The following DAB2IP variants were observed in gnomAD, a reference collection of about 807,000 sequenced individuals.
DAB2IP encodes the protein DAB2 interacting protein, also known as disabled homolog 2-interacting protein.
DAB2IP carries 28 observed loss-of-function variants against 107.2 expected under a neutral mutation model. The observed-to-expected ratio is 0.26, with a 90% confidence interval of 0.19 to 0.36. The LOEUF (loss-of-function observed/expected upper bound fraction) is 0.36, where lower values mean the gene tolerates loss of function less well. Ranked by LOEUF, DAB2IP falls within the 10% of genes least tolerant of loss-of-function variation. The probability of loss-of-function intolerance (pLI) is 1.00; values close to 1 mark genes in which losing one functional copy is unlikely to be tolerated. For missense variants in DAB2IP, 1,400 were observed against 1,644.7 expected, an observed-to-expected ratio of 0.85 and a Z score of 2.57; for synonymous variants, 755 against 706.4, an observed-to-expected ratio of 1.07 and a Z score of -1.09.
chr9:121,642,275 C>T (rs1216892208), intron 1 of DAB2IP, among the ~76,000 whole-genome samples: 1 of 151,102 alleles, frequency 6.6e-6, no homozygotes, highest in African/African-American at 2.4e-5. Context: ...GAGTCTCACT[C>T]TGTCGCCCAG....
At chr9:121,693,893 G>A (rs1829286662) in intron 2 of DAB2IP, among the ~76,000 whole-genome samples, 1 of 152,250 alleles carries the variant, frequency 6.6e-6, no homozygotes, top group Non-Finnish European at 1.5e-5. Context: ...GTGCCTTTGA[G>A]ACCATTGGTG....
chr9:121,759,784 A>C lies in DAB2IP; in HGVS notation c.616-101A>C, dbSNP rs544557096. 71 of 1,117,124 alleles carry C rather than the reference A, an allele frequency of 6.4e-5. No homozygotes were observed. In the African/African-American group the frequency reaches 8.7e-4, roughly 14 times the overall value. The allele number at this position is 1,117,124 out of a possible 1,614,324, so 69.2% of individuals were successfully genotyped here. On this transcript the variant is annotated intron_variant, in intron 5 of 15. Transcript: ENST00000408936. ...GGCGCCCGCTGCCGCCTCCACCTTC[A>C]GAGCTCCTCCTGGGTCTGAGGACTC...
At chr9:121,724,411 T>G (rs1831109878) in intron 3 of DAB2IP, among the ~76,000 whole-genome samples, 1 of 152,180 alleles carries the variant, frequency 6.6e-6, no homozygotes. Context: ...TTCATTCAAG[T>G]GTGAATCCAA....
rs149146628 is a variant in DAB2IP at position 121,708,761 on chromosome 9, CACAGG to C, written c.362+9311_362+9315del. On this transcript the variant is annotated intron_variant, in intron 3 of 15. Transcript: ENST00000408936. ...ATTCAAGGTCCGCCAAGTCAAATTC[CACAGG>C]ACAGGACTAGTCAGCATTTTAGGAG... is the stretch of plus-strand genomic sequence containing the variant. 1.9e-3 allele frequency among the ~76,000 whole-genome samples: 296 copies of C among 152,354 alleles called. 1 individual carries two copies. The highest frequency in any genetic ancestry group is 7.0e-3 in the African/African-American group (290 of 41,590).
chr9:121,653,456 T>C (rs2119065681), intron 1 of DAB2IP, among the ~76,000 whole-genome samples: 1 of 152,250 alleles, frequency 6.6e-6, no homozygotes. Flanking sequence ...GGCTCAAGCT[T>C]TGTGACTTTG....
In DAB2IP at chr9:121,580,655, C is replaced by T. The variant is rs189412383; in HGVS notation, c.40+13427C>T. Among the ~76,000 whole-genome samples the T allele has an allele frequency of 3.2e-3, 489 of 151,744 alleles. 5 individuals are homozygous for T. Among genetic ancestry groups the T allele is most frequent in the African/African-American group, 0.011 (470 of 41,360 alleles). The stretch of plus-strand genomic sequence containing the variant: ...TTTTTTTTTTTCTGAGATGGAGTCT[C>T]GCTCTGTTGCCCAGGCTGGAGTCCA... On this transcript the variant is annotated intron_variant, in intron 1 of 16. Coordinates refer to the DAB2IP transcript ENST00000259371.
Position 121,773,499 on chromosome 9 carries a change from A to C in DAB2IP, c.2967+4A>C. ...GCCACGGGCAGTGCACAAGCAGGTC[A>C]GTGCTGCTAGTCAGAGGGCAGGGCT... is the stretch of plus-strand genomic sequence containing the variant. On this transcript the variant is annotated splice_donor_region_variant and intron_variant, in intron 12 of 15. Coordinates refer to ENST00000408936, the Ensembl canonical transcript of DAB2IP. The C allele has an allele frequency of 6.7e-7, 1 of 1,495,218 alleles. No individual in the cohort carries two copies. Among genetic ancestry groups the C allele is most frequent in the Non-Finnish European group, 8.9e-7 (1 of 1,122,960 alleles). The allele number at this position is 1,495,218 out of a possible 1,614,324, so 92.6% of individuals were successfully genotyped here. A position where few individuals can be genotyped will look rare whatever the true frequency, so the allele number is the denominator to read the frequency against.
chr9:121,705,533 G>A (rs1360871521), intron 3 of DAB2IP, among the ~76,000 whole-genome samples: 1 of 152,226 alleles, frequency 6.6e-6, no homozygotes, highest in Non-Finnish European at 1.5e-5. Flanking sequence ...TCTGCCAGTT[G>A]TTTGTACATG....
chr9:121,718,291 G>A (rs1830717541), intron 3 of DAB2IP, among the ~76,000 whole-genome samples: 1 of 152,222 alleles, frequency 6.6e-6, no homozygotes, highest in African/African-American at 2.4e-5. Context: ...AGCTCAGGCA[G>A]CGTTCAGGCA....
Position 121,639,354 on chromosome 9 carries a change from G to A in DAB2IP, c.41-39324G>A, listed in dbSNP as rs139561263. Among the ~76,000 whole-genome samples, 278 of 152,350 alleles carry A rather than the reference G, an allele frequency of 1.8e-3. 1 individual carries two copies. Among genetic ancestry groups the A allele is most frequent in the African/African-American group, 6.4e-3 (266 of 41,572 alleles). ...TAGCAGTGTGCAGCTCCCGAGGGTG[G>A]TCAGAGCACAGCGGCAAGCTGGCTG... is the stretch of plus-strand genomic sequence containing the variant. On this transcript the variant is annotated intron_variant, in intron 1 of 16. Coordinates refer to the DAB2IP transcript ENST00000259371.
At chr9:121,665,628 C>T (rs1833387028) in intron 1 of DAB2IP, among the ~76,000 whole-genome samples, 1 of 152,272 alleles carries the variant, frequency 6.6e-6, no homozygotes, top group African/African-American at 2.4e-5. Context: ...GATGTGAAAA[C>T]ATCTCCAAGC....
chr9:121,770,704 G>T (rs746377368), exon 11 of DAB2IP: 2 of 1,614,114 alleles, frequency 1.2e-6, no homozygotes, highest in Non-Finnish European at 1.7e-6. Context: ...AGAAGATGGT[G>T]ATTGAGAACG....
intron 1 of DAB2IP, among the ~76,000 whole-genome samples, chr9:121,582,022 C>G (rs1193789144): frequency 1.3e-5 from 2 of 152,218 alleles, no homozygotes; most frequent in Non-Finnish European, 2.9e-5. Flanking sequence ...TAGGACCTCC[C>G]CCTCCTTCAC....
chr9:121,716,147 C>T (rs1406096767), intron 3 of DAB2IP, among the ~76,000 whole-genome samples: 1 of 152,192 alleles, frequency 6.6e-6, no homozygotes, highest in East Asian at 1.9e-4. Context: ...GTTGAGATCC[C>T]CAGTTAGCAG....
intron 1 of DAB2IP, among the ~76,000 whole-genome samples, chr9:121,603,192 T>A (rs968527043): frequency 6.6e-6 from 1 of 152,198 alleles, no homozygotes; most frequent in Non-Finnish European, 1.5e-5. Flanking sequence ...TCTATCTATG[T>A]TTTCAATCTC....
intron 1 of DAB2IP, among the ~76,000 whole-genome samples, chr9:121,637,620 A>T (rs1832135088): frequency 6.6e-6 from 1 of 152,174 alleles, no homozygotes; most frequent in South Asian, 2.1e-4. Context: ...GCCCCTGAGT[A>T]GGAGGCTCAG....
At chr9:121,678,707 C>A in exon 2 of DAB2IP, 1 of 1,590,002 alleles carries the variant, frequency 6.3e-7, no homozygotes, top group Non-Finnish European at 8.6e-7. Context: ...GGGCTCTCGG[C>A]GCAGCCTGCC....
Position 121,776,170 on chromosome 9 carries a change from G to A in DAB2IP, c.3121-28G>A, listed in dbSNP as rs1315155572. 2.6e-6 allele frequency: 4 copies of A among 1,556,634 alleles called. No individual in the cohort carries two copies. The Admixed American group carries it at 7.8e-5, about 30-fold the overall frequency. Reference sequence around the variant, plus strand: ...CTGTGCTCTCTGTGTCCTGGGTGCTGTGCCCGTGGACGCTGCCCTCCTGGT... The same window carrying A: ...CTGTGCTCTCTGTGTCCTGGGTGCTATGCCCGTGGACGCTGCCCTCCTGGT... On this transcript the variant is annotated intron_variant, in intron 13 of 15. Coordinates refer to ENST00000408936, the Ensembl canonical transcript of DAB2IP. This position sits in a 1 kb window ranked among gnomAD's most constrained non-coding sequence, Gnocchi z 5.4.
At chr9:121,694,524 C>G (rs1031447439) in intron 2 of DAB2IP, among the ~76,000 whole-genome samples, 1 of 152,046 alleles carries the variant, frequency 6.6e-6, no homozygotes, top group Non-Finnish European at 1.5e-5. Flanking sequence ...TTCTGAAAGG[C>G]CTTTGAGACA....
Sources: gnomAD v4.1 joint callset for allele counts (sites outside exome capture counted in the v4.1 genomes callset) on GRCh38, gnomAD v4.1.1 for gene constraint, Gnocchi (gnomAD v3.1) non-coding constraint, MANE v1.5 for transcripts, NCBI Gene and HGNC (gene_info 2026-07-23, HGNC 2026-07-21) for gene names.